The following PARVA variants were observed in gnomAD, a reference collection of about 807,000 sequenced individuals.
PARVA encodes the protein alpha-parvin.
In PARVA, 25 loss-of-function variants were observed where a neutral mutation model predicts 52.6. The ratio of observed to expected loss-of-function variants is 0.48; its 90% CI spans 0.35 to 0.66. PARVA has a LOEUF of 0.66. PARVA is among the 30% of genes least tolerant of loss of function. PARVA has a pLI of 0.01. For missense variants in PARVA, 373 were observed against 450.9 expected (o/e 0.83, Z 1.56); for synonymous variants, 185 against 179.1 (o/e 1.03, Z -0.26).
intron 1 of PARVA, among the ~76,000 whole-genome samples, chr11:12,469,183 G>A (rs1000717650): frequency 6.6e-6 from 1 of 152,086 alleles, no homozygotes; most frequent in African/African-American, 2.4e-5. Context: ...TTCCACAGCT[G>A]ATAAAAATAG....
chr11:12,456,412 G>GT (rs1460164229), intron 1 of PARVA, among the ~76,000 whole-genome samples: 3 of 152,094 alleles, frequency 2.0e-5, no homozygotes, highest in Non-Finnish European at 4.4e-5. Context: ...AATTCAAACT[G>GT]TATCATCAGG....
intron 1 of PARVA, among the ~76,000 whole-genome samples, chr11:12,396,959 T>C (rs1016967435): frequency 3.3e-5 from 5 of 151,974 alleles, no homozygotes; most frequent in African/African-American, 1.2e-4. Context: ...GTACTTGTTT[T>C]CTTTCCTTTC....
intron 1 of PARVA, among the ~76,000 whole-genome samples, chr11:12,437,340 T>C (rs1394477489): frequency 2.0e-5 from 3 of 152,196 alleles, no homozygotes; most frequent in African/African-American, 7.2e-5. Context: ...CCTGGGTCCC[T>C]CCTTCCAGGA....
intron 10 of PARVA, 89 bp downstream of exon 10, chr11:12,514,154 T>C: frequency 1.0e-6 from 1 of 971,352 alleles, no homozygotes; most frequent in East Asian, 2.5e-5. Context: ...CCAGGAGGGC[T>C]TTCCCAGCTG....
intron 4 of PARVA, among the ~76,000 whole-genome samples, chr11:12,488,166 A>C (rs1941186449): frequency 6.6e-6 from 1 of 152,212 alleles, no homozygotes; most frequent in East Asian, 1.9e-4. Context: ...GAAATATCAG[A>C]GATGTGGTAT....
chr11:12,429,931 G>A (rs939374256), intron 1 of PARVA, among the ~76,000 whole-genome samples: 2 of 151,976 alleles, frequency 1.3e-5, no homozygotes, highest in Non-Finnish European at 2.9e-5. Context: ...TCGTATAACA[G>A]TTTTAAATAC....
rs1003402560 is a variant in PARVA, at chr11:12,533,845, C to G, written c.*5920C>G. ...AGGAGGAGGAGGAGTAGGGGTTGGTCTTGCTGTCTGAGGGGTGGCAGAGGC... is the reference window on the plus strand; with the variant it reads ...AGGAGGAGGAGGAGTAGGGGTTGGTGTTGCTGTCTGAGGGGTGGCAGAGGC... On this transcript the variant is annotated 3_prime_UTR_variant, in exon 13 of 13. Coordinates refer to ENST00000334956, the MANE Select transcript of PARVA (RefSeq NM_018222.5). Among the ~76,000 whole-genome samples, 16 of 138,760 alleles carry G rather than the reference C, an allele frequency of 1.2e-4. No individual in the cohort carries two copies. The highest frequency in any genetic ancestry group is 3.9e-4 in the African/African-American group (14 of 36,258). The allele number at this position is 138,760 out of a possible 152,430, so 91.0% of individuals were successfully genotyped here.
chr11:12,443,169 C>CTTCTTTTTTT (rs1326822141), intron 1 of PARVA, among the ~76,000 whole-genome samples: 6 of 78,328 alleles, frequency 7.7e-5, no homozygotes, highest in African/African-American at 3.0e-4. Flanking sequence ...CGCCCCCCTT[C>CTTCTTTTTTT]TTTTTTTTTT....
At chr11:12,473,653 C>T in intron 1 of PARVA, 92 bp from the exon 2 acceptor site, 4 of 943,378 alleles carry the variant, frequency 4.2e-6, no homozygotes, top group Admixed American at 2.2e-5. Context: ...GGGTTTTTTT[C>T]TCAATGTCAA....
At chr11:12,417,070 A>G (rs1940076926) in intron 1 of PARVA, among the ~76,000 whole-genome samples, 1 of 152,256 alleles carries the variant, frequency 6.6e-6, no homozygotes, top group Admixed American at 6.5e-5. Context: ...CTATAAGCAC[A>G]ATTCCAAGGT....
intron 1 of PARVA, among the ~76,000 whole-genome samples, chr11:12,409,955 C>A (rs1194212026): frequency 6.6e-6 from 1 of 152,204 alleles, no homozygotes; most frequent in Non-Finnish European, 1.5e-5. Flanking sequence ...ACATGCCAGG[C>A]TGTCTGAGAC....
At chr11:12,527,496 G>T (rs556230742) in intron 12 of PARVA, among the ~76,000 whole-genome samples, 22 of 152,232 alleles carry the variant, frequency 1.4e-4, no homozygotes, top group Middle Eastern at 3.4e-3. Flanking sequence ...CTTCTGTGAG[G>T]CAGCTTGAGT....
intron 1 of PARVA, among the ~76,000 whole-genome samples, chr11:12,411,320 CAG>C (rs750492636): frequency 3.3e-5 from 5 of 152,192 alleles, no homozygotes; most frequent in Non-Finnish European, 7.3e-5. Context: ...TGGGATAGTG[CAG>C]AGAGTTCCCA....
At chr11:12,496,712 T>A in intron 5 of PARVA, 114 bp downstream of exon 5, 1 of 999,560 alleles carries the variant, frequency 1.0e-6, no homozygotes, top group Non-Finnish European at 1.4e-6. Context: ...GGGGTCAAAC[T>A]CATTTATCTT....
chr11:12,477,818 T>C (rs1178036692), intron 3 of PARVA, 29 bp from the exon 4 acceptor site: 4 of 1,176,792 alleles, frequency 3.4e-6, no homozygotes, highest in African/African-American at 3.0e-5. Context: ...TTTCTTACTA[T>C]TGCACATTCC....
At chr11:12,423,681 T>C (rs1940186158) in intron 1 of PARVA, among the ~76,000 whole-genome samples, 1 of 152,208 alleles carries the variant, frequency 6.6e-6, no homozygotes, top group Non-Finnish European at 1.5e-5. Flanking sequence ...TTCTTCATAT[T>C]GATATCAGGT....
intron 4 of PARVA, among the ~76,000 whole-genome samples, chr11:12,487,722 A>T (rs898289094): frequency 2.0e-5 from 3 of 152,216 alleles, no homozygotes; most frequent in Admixed American, 2.0e-4. Context: ...AGTTAGATGA[A>T]AGTTTTTTAT....
intron 4 of PARVA, among the ~76,000 whole-genome samples, chr11:12,481,874 A>C (rs1387600782): frequency 6.6e-6 from 1 of 152,172 alleles, no homozygotes; most frequent in Non-Finnish European, 1.5e-5. Flanking sequence ...TCTGACATCA[A>C]GAAAAGGATA....
In PARVA at chr11:12,415,005, G is replaced by A. The variant is rs145541984; in HGVS notation, c.136+37222G>A. On this transcript the variant is annotated intron_variant, in intron 1 of 12. Coordinates refer to ENST00000334956, the MANE Select transcript of PARVA (RefSeq NM_018222.5). ...CACAGAATGTAAGGGTGGACCTAGC[G>A]TCGGCTGTCAGGAACCAGCCTGGGC... is the stretch of plus-strand genomic sequence containing the variant. 2.0e-3 allele frequency among the ~76,000 whole-genome samples: 303 copies of A among 152,306 alleles called. 3 individuals carry two copies. The highest frequency in any genetic ancestry group is 0.01 in the Middle Eastern group (3 of 294).
Sources: allele counts gnomAD v4.1 joint callset (sites outside exome capture counted in the v4.1 genomes callset), GRCh38; gene constraint gnomAD v4.1.1; transcripts MANE v1.5; gene names NCBI Gene and HGNC (gene_info 2026-07-23, HGNC 2026-07-21).